The following PCDHA1 variants were observed in gnomAD, a reference collection of about 807,000 sequenced individuals.
The protein encoded by PCDHA1 is protocadherin alpha 1, also known as protocadherin alpha-1.
Under a neutral mutation model 61.3 loss-of-function variants are expected in PCDHA1, and 42 were observed. The observed-to-expected ratio is 0.69, with a 90% CI of 0.54 to 0.89. PCDHA1 has a LOEUF of 0.89. Ranked by LOEUF, PCDHA1 falls within the 40% of genes least tolerant of loss-of-function variation. The probability of loss-of-function intolerance (pLI) is 0.00; values close to 1 mark genes in which losing one functional copy is unlikely to be tolerated. For missense variants in PCDHA1, 1,256 were observed against 1,235.3 expected (o/e 1.02, Z -0.25); for synonymous variants, 610 against 553.8 (o/e 1.10, Z -1.43).
chr5:140,848,667 G>A lies in PCDHA1; in HGVS notation c.2394+59983G>A, dbSNP rs1173870910. On this transcript the variant is annotated intron_variant, in intron 1 of 3. Coordinates refer to ENST00000504120, the MANE Select transcript of PCDHA1 (RefSeq NM_018900.4). ...GCAGGACCTGGGGCTGGAGCTGGCG[G>A]AGCTGGTGCCGCGCCTGTTCCAGTT... The A allele has an allele frequency of 1.0e-5, 16 of 1,592,228 alleles. No individual in the cohort carries two copies. Among genetic ancestry groups the A allele is most frequent in the Non-Finnish European group, 1.3e-5 (15 of 1,163,428 alleles).
chr5:140,791,981 A>G (rs1308124297), intron 1 of PCDHA1, among the ~76,000 whole-genome samples: 2 of 152,214 alleles, frequency 1.3e-5, no homozygotes, highest in East Asian at 3.8e-4. Flanking sequence ...CCTTGGGCTG[A>G]TGCAACAAAT....
At position 140,841,428 on chromosome 5, in the gene PCDHA1, C is replaced by A. The variant is rs2150315251; in HGVS notation, c.2394+52744C>A. Reference sequence around the variant, plus strand: ...AGCGGCCAGCTCCACTACTCCGTCCCCGAGGAGGCCAAACACGGCACCTTC... The same window carrying A: ...AGCGGCCAGCTCCACTACTCCGTCCACGAGGAGGCCAAACACGGCACCTTC... On this transcript the variant is annotated intron_variant, in intron 1 of 3. Coordinates refer to ENST00000504120, the MANE Select transcript of PCDHA1 (RefSeq NM_018900.4). The A allele has an allele frequency of 7.4e-6, 12 of 1,612,842 alleles. No homozygotes were observed. The highest frequency in any genetic ancestry group is 5.0e-5 in the Admixed American group (3 of 59,990).
intron 1 of PCDHA1, among the ~76,000 whole-genome samples, chr5:140,950,799 G>C (rs1218789077): frequency 5.3e-5 from 8 of 151,796 alleles, no homozygotes; most frequent in African/African-American, 1.7e-4. Flanking sequence ...ATATTGTCTG[G>C]TTTTACCATA....
intron 1 of PCDHA1, chr5:140,883,536 T>C (rs1178559999): frequency 8.7e-6 from 14 of 1,614,202 alleles, no homozygotes; most frequent in Non-Finnish European, 1.2e-5. Flanking sequence ...GCCTATGAAC[T>C]GGTGGTGACC....
Position 140,862,663 on chromosome 5 carries a change from G to A in PCDHA1, c.2394+73979G>A, listed in dbSNP as rs1181876695. ...CACAGTGTCCGCGCGGGACCGGGAC[G>A]CGCAGGAGAACGTGCTGGTGTCCTA... On this transcript the variant is annotated intron_variant, in intron 1 of 3. Coordinates refer to ENST00000504120, the MANE Select transcript of PCDHA1 (RefSeq NM_018900.4). The A allele has an allele frequency of 1.5e-5, 8 of 547,042 alleles. No individual in the cohort carries two copies. In the East Asian group the frequency reaches 4.0e-4, roughly 27 times the overall value. The allele number at this position is 547,042 out of a possible 1,614,324, so 33.9% of individuals were successfully genotyped here.
In PCDHA1 at chr5:141,010,127, T is replaced by A. The variant is rs1419190844; in HGVS notation, c.*190T>A. On this transcript the variant is annotated 3_prime_UTR_variant, in exon 4 of 4. Transcript: ENST00000504120. ...TTTGTCGTAAAAGCTTTACTAAGTC[T>A]GGTGTTAACTCTTTCTCTCCACTCT... The A allele has an allele frequency of 1.9e-6, 3 of 1,602,472 alleles. No individual in the cohort carries two copies. Among genetic ancestry groups the A allele is most frequent in the Non-Finnish European group, 2.6e-6 (3 of 1,173,756 alleles).
chr5:140,816,230 T>C (rs2126670263), intron 1 of PCDHA1: 2 of 152,348 alleles, frequency 1.3e-5, no homozygotes, highest in South Asian at 4.1e-4. Flanking sequence ...GTCTGGATAA[T>C]TTCAAATGAT....
chr5:140,884,060 G>C (rs781956914), intron 1 of PCDHA1: 4 of 1,613,548 alleles, frequency 2.5e-6, no homozygotes, highest in Non-Finnish European at 3.4e-6. Context: ...GCGCGCGGTG[G>C]ACGCCGATTC....
At chr5:140,837,677 T>C (rs2150278472) in intron 1 of PCDHA1, among the ~76,000 whole-genome samples, 1 of 151,824 alleles carries the variant, frequency 6.6e-6, no homozygotes, top group South Asian at 2.1e-4. Flanking sequence ...CTTTTTCTTT[T>C]TTCTTTCTTC....
At chr5:140,943,157 C>T (rs2093427609) in intron 1 of PCDHA1, among the ~76,000 whole-genome samples, 1 of 148,876 alleles carries the variant, frequency 6.7e-6, no homozygotes, top group South Asian at 2.1e-4. Context: ...ACTCTGGAGG[C>T]TGAGGCAGGA....
intron 1 of PCDHA1, among the ~76,000 whole-genome samples, chr5:140,938,453 G>A (rs558258483): frequency 6.6e-6 from 1 of 151,990 alleles, no homozygotes; most frequent in African/African-American, 2.4e-5. Context: ...AGTTCCCTTT[G>A]TTTTTTAATT....
At chr5:140,976,688 G>T (rs1343503965) in intron 1 of PCDHA1, among the ~76,000 whole-genome samples, 2 of 152,118 alleles carry the variant, frequency 1.3e-5, no homozygotes, top group East Asian at 3.8e-4. Context: ...TGCAATTTAA[G>T]TACAATAATG....
chr5:140,965,424 G>A (rs2095899424), intron 1 of PCDHA1, among the ~76,000 whole-genome samples: 1 of 152,086 alleles, frequency 6.6e-6, no homozygotes, highest in African/African-American at 2.4e-5. Flanking sequence ...AGGAAGATAA[G>A]CTGCAGTCAT....
intron 1 of PCDHA1, among the ~76,000 whole-genome samples, chr5:140,790,454 T>C (rs1489630405): frequency 6.6e-6 from 1 of 152,354 alleles, no homozygotes; most frequent in Non-Finnish European, 1.5e-5. Flanking sequence ...GAGATTTGAG[T>C]TGATACAGAG....
intron 1 of PCDHA1, chr5:140,795,435 A>G (rs781802033): frequency 1.1e-5 from 17 of 1,614,212 alleles, no homozygotes; most frequent in African/African-American, 1.3e-5. Flanking sequence ...TAGAGGGAGC[A>G]TCTGATGCAG....
intron 1 of PCDHA1, chr5:140,877,564 G>A (rs782415331): frequency 1.2e-5 from 20 of 1,613,652 alleles, no homozygotes; most frequent in Middle Eastern, 3.3e-4. Context: ...GGATATTAAC[G>A]TGTACCTCAT....
intron 1 of PCDHA1, chr5:140,928,827 A>G (rs1554206364): frequency 6.2e-7 from 1 of 1,614,130 alleles, no homozygotes. Flanking sequence ...GAGACCCACC[A>G]CTTTCCTCCT....
chr5:140,883,885 C>T (rs550197512), intron 1 of PCDHA1: 4 of 1,613,260 alleles, frequency 2.5e-6, no homozygotes, highest in East Asian at 4.5e-5. Context: ...GCGCGCGCGA[C>T]TCTGGCGTGC....
At chr5:140,822,270 A>G (rs2150115049) in intron 1 of PCDHA1, 7 of 1,614,138 alleles carry the variant, frequency 4.3e-6, no homozygotes, top group African/African-American at 4.0e-5. Flanking sequence ...GAGCAAATGC[A>G]CAATTGAGAT....
Sources: gnomAD v4.1 joint callset for allele counts (sites outside exome capture counted in the v4.1 genomes callset) on GRCh38, gnomAD v4.1.1 for gene constraint, MANE v1.5 for transcripts, NCBI Gene and HGNC (gene_info 2026-07-23, HGNC 2026-07-21) for gene names.